Variants in LTBP1 observed in about 807,000 individuals in gnomAD.
LTBP1 encodes latent transforming growth factor beta binding protein 1.
In LTBP1, 129 loss-of-function variants were observed where a neutral mutation model predicts 207.6. That is an observed-to-expected ratio of 0.62 (90% confidence interval 0.54 to 0.72). The LOEUF (loss-of-function observed/expected upper bound fraction) is 0.72, where lower values mean the gene tolerates loss of function less well. Among genes scored for constraint, LTBP1 ranks in the 30% least tolerant of loss-of-function variants. The probability of loss-of-function intolerance (pLI) is 0.00; values close to 1 mark genes in which losing one functional copy is unlikely to be tolerated. For missense variants in LTBP1, 2,281 were observed against 2,217.2 expected, an observed-to-expected ratio of 1.03 and a Z score of -0.58; for synonymous variants, 963 against 833.7, an observed-to-expected ratio of 1.16 and a Z score of -2.67.
At chr2:33,101,076 C>A (rs1645858598) in intron 3 of LTBP1, among the ~76,000 whole-genome samples, 1 of 152,118 alleles carries the variant, frequency 6.6e-6, no homozygotes, top group African/African-American at 2.4e-5. Flanking sequence ...TATGGTAATT[C>A]TGTGCTTAAT....
At chr2:33,239,738 C>CAA (rs372396935) in intron 9 of LTBP1, among the ~76,000 whole-genome samples, 264 of 126,996 alleles carry the variant, frequency 2.1e-3, no homozygotes, top group Middle Eastern at 4.0e-3. Context: ...ACTAAAAATA[C>CAA]AAAAAAAAAA....
At chr2:33,144,591 C>T (rs1436361116) in intron 5 of LTBP1, among the ~76,000 whole-genome samples, 2 of 152,172 alleles carry the variant, frequency 1.3e-5, no homozygotes, top group Non-Finnish European at 2.9e-5. Context: ...ACATTTGATC[C>T]TACTTTGTGC....
intron 3 of LTBP1, among the ~76,000 whole-genome samples, chr2:33,071,566 C>T (rs1352034119): frequency 1.3e-5 from 2 of 152,012 alleles, no homozygotes; most frequent in Non-Finnish European, 2.9e-5. Flanking sequence ...GGAAGGGAAG[C>T]AGGGAATCAG....
At chr2:33,241,108 T>A (rs1021671356) in intron 9 of LTBP1, among the ~76,000 whole-genome samples, 3 of 152,090 alleles carry the variant, frequency 2.0e-5, no homozygotes, top group African/African-American at 2.4e-5. Context: ...TCAGGAAATA[T>A]AAAAAAATAG....
intron 10 of LTBP1, among the ~76,000 whole-genome samples, chr2:33,248,586 A>ATT (rs201927841): frequency 1.5e-3 from 208 of 140,676 alleles, no homozygotes; most frequent in African/African-American, 4.9e-3. Flanking sequence ...TTCTCCACGA[A>ATT]TTTTTTTTTT....
chr2:33,305,406 T>C (rs1313132895), intron 22 of LTBP1, among the ~76,000 whole-genome samples: 1 of 151,784 alleles, frequency 6.6e-6, no homozygotes, highest in Non-Finnish European at 1.5e-5. Flanking sequence ...GAGCGGGGTA[T>C]ATGGGGAGTG....
chr2:32,972,581 T>A (rs375902698), intron 2 of LTBP1, among the ~76,000 whole-genome samples: 11 of 152,166 alleles, frequency 7.2e-5, no homozygotes, highest in African/African-American at 1.9e-4. Context: ...TGTATGGTGA[T>A]ATGGTTTAGC....
At chr2:32,991,870 C>T (rs187457594) in intron 2 of LTBP1, among the ~76,000 whole-genome samples, 1 of 152,250 alleles carries the variant, frequency 6.6e-6, no homozygotes, top group Admixed American at 6.5e-5. Flanking sequence ...CCTTTTCTTT[C>T]AGAGACAACT....
At chr2:33,289,219 A>G (rs2093726797) in intron 19 of LTBP1, among the ~76,000 whole-genome samples, 2 of 152,328 alleles carry the variant, frequency 1.3e-5, no homozygotes, top group East Asian at 1.9e-4. Context: ...TCTTTGAACT[A>G]TCTGCCTACC....
intron 5 of LTBP1, among the ~76,000 whole-genome samples, chr2:33,155,590 C>G (rs1432356920): frequency 1.3e-5 from 2 of 152,040 alleles, no homozygotes; most frequent in Non-Finnish European, 2.9e-5. Context: ...CTATTAGATT[C>G]AAGTAGCAAC....
At chr2:32,963,000 T>C (rs1679373963) in intron 2 of LTBP1, among the ~76,000 whole-genome samples, 1 of 151,970 alleles carries the variant, frequency 6.6e-6, no homozygotes, top group Non-Finnish European at 1.5e-5. Flanking sequence ...CTGTGATCAC[T>C]TGTGGTGTGA....
At chr2:33,007,058 T>C (rs1457241703) in intron 2 of LTBP1, among the ~76,000 whole-genome samples, 2 of 152,150 alleles carry the variant, frequency 1.3e-5, no homozygotes, top group African/African-American at 4.8e-5. Context: ...TGGGCATCAG[T>C]GACATTTGAA....
chr2:33,082,827 C>T (rs13030608), intron 3 of LTBP1, among the ~76,000 whole-genome samples: 9,882 of 152,212 alleles, frequency 0.065, 410 homozygotes, highest in South Asian at 0.18. Flanking sequence ...CTCCTCTCTG[C>T]CTTGTGTCCT....
At chr2:33,370,951 C>G (rs2095060749) in intron 31 of LTBP1, among the ~76,000 whole-genome samples, 1 of 152,214 alleles carries the variant, frequency 6.6e-6, no homozygotes, top group African/African-American at 2.4e-5. Context: ...GTCACGGGCA[C>G]TAATTCTTGC....
chr2:32,963,744 G>A (rs530662176), intron 2 of LTBP1, among the ~76,000 whole-genome samples: 11 of 152,184 alleles, frequency 7.2e-5, no homozygotes, highest in South Asian at 2.1e-4. Context: ...TGTGGGATGC[G>A]TAACAAATGC....
chr2:33,311,107 G>A (rs1049278500), intron 23 of LTBP1, among the ~76,000 whole-genome samples: 1 of 151,818 alleles, frequency 6.6e-6, no homozygotes, highest in African/African-American at 2.4e-5. Flanking sequence ...TGTAGGAGAA[G>A]ATGGTATCTA....
chr2:33,116,984 G>T (rs1466826015), intron 4 of LTBP1, among the ~76,000 whole-genome samples: 1 of 152,170 alleles, frequency 6.6e-6, no homozygotes, highest in Non-Finnish European at 1.5e-5. Context: ...CTGAGTTCTG[G>T]TCTGTGCTGC....
chr2:33,243,937 A>C (rs1364005700), intron 10 of LTBP1, among the ~76,000 whole-genome samples, 153 bp downstream of exon 10: 1 of 152,248 alleles, frequency 6.6e-6, no homozygotes, highest in Non-Finnish European at 1.5e-5. Context: ...TGCCTGATGT[A>C]GTAAAATAAA....
At chr2:33,177,343 T>C (rs2086167150) in intron 5 of LTBP1, among the ~76,000 whole-genome samples, 1 of 152,176 alleles carries the variant, frequency 6.6e-6, no homozygotes, top group South Asian at 2.1e-4. Flanking sequence ...GAGCTTTATC[T>C]CTAATAGTTA....
Sources: allele counts gnomAD v4.1 joint callset (sites outside exome capture counted in the v4.1 genomes callset), GRCh38; gene constraint gnomAD v4.1.1; transcripts MANE v1.5; gene names NCBI Gene and HGNC (gene_info 2026-07-23, HGNC 2026-07-21).